Variants in TRAF4 observed in about 807,000 individuals in gnomAD.
TRAF4 encodes TNF receptor-associated factor 4.
In TRAF4, 9 loss-of-function variants were observed where a neutral mutation model predicts 47.3. The ratio of observed to expected loss-of-function variants is 0.19; its 90% CI spans 0.11 to 0.33. The LOEUF is 0.33. TRAF4 is among the 10% of genes least tolerant of loss of function. TRAF4 has a pLI of 1.00. For missense variants in TRAF4, 448 were observed against 620.3 expected (o/e 0.72, Z 2.95); for synonymous variants, 236 against 236.9 (o/e 1.00, Z 0.04).
At chr17:28,746,081 G>A (rs1158478436) in intron 1 of TRAF4, among the ~76,000 whole-genome samples, 1 of 152,260 alleles carries the variant, frequency 6.6e-6, no homozygotes, top group African/African-American at 2.4e-5. Context: ...ATCAAGGGGA[G>A]GAGGTGGGTG....
chr17:28,747,708 A>C lies in TRAF4; in HGVS notation c.196-135A>C, dbSNP rs2034536769. The stretch of plus-strand genomic sequence containing the variant: ...TGCCTGCTGTGCCCTTCATCCCTGG[A>C]CTCAAGAGGGGCAAAGAGCCCAAGA... On this transcript the variant is annotated intron_variant, in intron 2 of 6. Coordinates refer to ENST00000262395, the MANE Select transcript of TRAF4 (RefSeq NM_004295.4). 7 of 780,650 alleles carry C rather than the reference A, an allele frequency of 9.0e-6. No homozygotes were observed. In the South Asian group the frequency reaches 1.2e-4, roughly 13 times the overall value. 48.4% of individuals were successfully genotyped at this position (780,650 alleles called of 1,614,324 possible).
At position 28,744,029 on chromosome 17, in the gene TRAF4, C is replaced by A. The variant is rs1260231428; in HGVS notation, c.-84C>A. The A allele has an allele frequency of 3.0e-5, 31 of 1,036,914 alleles. No individual in the cohort carries two copies. The highest frequency in any genetic ancestry group is 3.5e-5 in the Non-Finnish European group (30 of 866,364). 64.2% of individuals were successfully genotyped at this position (1,036,914 alleles called of 1,614,324 possible). ...GACCGCCAGTCGGCGCCGCCCGGAGCCGGGAGCGCCGCTCCAGCGAGGCGC... is the reference window on the plus strand; with the variant it reads ...GACCGCCAGTCGGCGCCGCCCGGAGACGGGAGCGCCGCTCCAGCGAGGCGC... On this transcript the variant is annotated 5_prime_UTR_variant, in exon 1 of 7. Transcript: ENST00000262395.
Position 28,747,277 on chromosome 17 carries a change from T to G in TRAF4, c.195+13T>G, listed in dbSNP as rs754113799. The G allele has an allele frequency of 6.2e-7, 1 of 1,612,560 alleles. No homozygotes were observed. The highest frequency in any genetic ancestry group is 1.1e-5 in the South Asian group (1 of 90,972). On this transcript the variant is annotated intron_variant, in intron 2 of 6. Coordinates refer to ENST00000262395, the MANE Select transcript of TRAF4 (RefSeq NM_004295.4). Reference sequence around the variant, plus strand: ...GGACTATGCCAAGGTGAGTCCACACTGCCAGGAAGAAGCCCAAGCACAGTC... The same window carrying G: ...GGACTATGCCAAGGTGAGTCCACACGGCCAGGAAGAAGCCCAAGCACAGTC...
intron 1 of TRAF4, chr17:28,745,229 C>T (rs1342863774): frequency 2.6e-5 from 4 of 152,570 alleles, no homozygotes; most frequent in African/African-American, 9.6e-5. Flanking sequence ...CTCCCTCCCT[C>T]GCTCGGTCCT....
In TRAF4 at chr17:28,748,087, G is replaced by A. The variant is rs751058233; in HGVS notation, c.371G>A (p.Arg124His). The change falls in exon 4 of 7, where the codon CGT (arginine) becomes CAT (histidine). Residue 124 changes from arginine (R) to histidine (H), a missense_variant. Physicochemically the swap from Arg to His is conservative, Grantham distance 29. Coordinates refer to ENST00000262395, the MANE Select transcript of TRAF4 (RefSeq NM_004295.4). ...CGCTGCCCCATGAAGCTGAGCCGCC[G>A]TGATCTACCTGCACACTTGCAGCAT... ...PNRCPMKLSR[R>H]DLPAHLQHDC... is the part of the protein sequence containing the mutation. 36 of 1,613,916 alleles carry A rather than the reference G, an allele frequency of 2.2e-5. No homozygotes were observed. Among genetic ancestry groups the A allele is most frequent in the Admixed American group, 6.7e-5 (4 of 60,000 alleles).
Position 28,749,466 on chromosome 17 carries a change from T to C in TRAF4, c.1302T>C (p.Phe434=). Residue 434 remains phenylalanine, a synonymous_variant, in exon 7 of 7, where the codon TTT becomes TTC. Transcript: ENST00000262395. ...CCCTGGATGAGAGTTCTCTGGGCTT[T>C]GGTTATCCCAAGTTCATCTCCCACC... ...RGSLDESSLG[F]GYPKFISHQD... 1.2e-6 allele frequency: 2 copies of C among 1,613,916 alleles called. No individual in the cohort carries two copies. Among genetic ancestry groups the C allele is most frequent in the South Asian group, 2.2e-5 (2 of 91,082 alleles).
At chr17:28,745,972 G>A (rs758929069) in intron 1 of TRAF4, among the ~76,000 whole-genome samples, 1 of 152,246 alleles carries the variant, frequency 6.6e-6, no homozygotes, top group South Asian at 2.1e-4. Context: ...GAGCTGTTAG[G>A]TTGGCCCAGG....
In TRAF4 at chr17:28,750,246, G is replaced by C. The variant is rs1000689570; in HGVS notation, c.*669G>C. 28 of 298,820 alleles carry C rather than the reference G, an allele frequency of 9.4e-5. No homozygotes were observed. The highest frequency in any genetic ancestry group is 1.4e-4 in the Non-Finnish European group (22 of 159,014). The allele number at this position is 298,820 out of a possible 1,614,324, so 18.5% of individuals were successfully genotyped here. On this transcript the variant is annotated 3_prime_UTR_variant, in exon 7 of 7. Coordinates refer to ENST00000262395, the MANE Select transcript of TRAF4 (RefSeq NM_004295.4). ...TGATGGACGCCGGGAAAACTGCATC[G>C]GGCTTTGTGTGGAAGACGGTCCCTG... is the stretch of plus-strand genomic sequence containing the variant.
rs746119537 is a variant in TRAF4, at chr17:28,749,291, A to G, written c.1127A>G (p.Asn376Ser). 7.4e-6 allele frequency: 12 copies of G among 1,613,872 alleles called. No individual in the cohort carries two copies. In the Middle Eastern group the frequency reaches 4.9e-4, roughly 66 times the overall value. Residue 376 changes from asparagine (N) to serine (S), a missense_variant, in exon 7 of 7, where the codon AAT (asparagine) becomes AGT (serine). Coordinates refer to ENST00000262395, the MANE Select transcript of TRAF4 (RefSeq NM_004295.4). Reference sequence around the variant, plus strand: ...CGTGTGCTGCCTGGTGCCTTTGACAATCTCCTTGAGTGGCCCTTTGCCCGC... The same window carrying G: ...CGTGTGCTGCCTGGTGCCTTTGACAGTCTCCTTGAGTGGCCCTTTGCCCGC... The part of the protein sequence containing the change: ...YIRVLPGAFD[N>S]LLEWPFARRV...
rs748730727 is a variant in TRAF4 at position 28,747,201 on chromosome 17, C to T, written c.144-12C>T. On this transcript the variant is annotated splice_polypyrimidine_tract_variant and intron_variant, in intron 1 of 6. Transcript: ENST00000262395. ...AATGAGAAACCTTTTTCCTGCCCCT[C>T]CCCCATTTCAGTGAAGGAGTCTTCA... 6.2e-7 allele frequency: 1 copy of T among 1,612,954 alleles called. No homozygotes were observed. The highest frequency in any genetic ancestry group is 2.2e-5 in the East Asian group (1 of 44,852).
Position 28,747,936 on chromosome 17 carries a change from C to G in TRAF4, c.289C>G (p.Arg97Gly). 6.2e-7 allele frequency: 1 copy of G among 1,614,146 alleles called. No homozygotes were observed. Among genetic ancestry groups the G allele is most frequent in the Non-Finnish European group, 8.5e-7 (1 of 1,180,030 alleles). Residue 97 changes from arginine to glycine, a missense_variant, in exon 3 of 7, where the codon CGT (arginine) becomes GGT (glycine). Coordinates refer to ENST00000262395, the MANE Select transcript of TRAF4 (RefSeq NM_004295.4). ...EEGCRWSGPL[R>G]HLQGHLNTCS... ...GGGCTGCCGCTGGAGTGGGCCACTA[C>G]GTCATCTACAGGTGAGGCTCTGATG... is the stretch of plus-strand genomic sequence containing the variant.
Position 28,745,655 on chromosome 17 carries a change from C to G in TRAF4, c.143+1400C>G, listed in dbSNP as rs115119128. 952 of 153,462 alleles carry G rather than the reference C, an allele frequency of 6.2e-3. 6 individuals carry two copies. Among genetic ancestry groups the G allele is most frequent in the African/African-American group, 0.02 (817 of 41,484 alleles). The allele number at this position is 153,462 out of a possible 1,614,324, so 9.5% of individuals were successfully genotyped here. ...CTTCCCTGGGCCTTGGCCTCCACTG[C>G]ACAGCCTGGAGCAGCCTCTGCCCTG... On this transcript the variant is annotated intron_variant, in intron 1 of 6. Coordinates refer to ENST00000262395, the MANE Select transcript of TRAF4 (RefSeq NM_004295.4).
Position 28,749,547 on chromosome 17 carries a change from T to A in TRAF4, c.1383T>A (p.Ala461=), listed in dbSNP as rs748249974. Residue 461 remains alanine (A), a synonymous_variant, in exon 7 of 7, where the codon GCT becomes GCA. Transcript: ENST00000262395. Reference sequence around the variant, plus strand: ...ATGATGCAGTCTTCATCCGTGCTGCTGTTGAACTGCCCCGGAAGATCCTCA... The same window carrying A: ...ATGATGCAGTCTTCATCCGTGCTGCAGTTGAACTGCCCCGGAAGATCCTCA... ...VRDDAVFIRA[A]VELPRKILS The A allele has an allele frequency of 1.2e-6, 2 of 1,613,474 alleles. No individual in the cohort carries two copies. The highest frequency in any genetic ancestry group is 3.3e-5 in the Admixed American group (2 of 60,022).
In TRAF4 at chr17:28,749,001, C is replaced by T. The variant is rs956958238; in HGVS notation, c.837C>T (p.Ala279=). 1.2e-6 allele frequency: 2 copies of T among 1,613,572 alleles called. No homozygotes were observed. Among genetic ancestry groups the T allele is most frequent in the African/African-American group, 2.7e-5 (2 of 74,946 alleles). ...AGGAGAGTGTGAAGCCACATCTGGC[C>T]ATGATGTGTGCCCTGGTGAGCCGGC... ...HVEESVKPHL[A]MMCALVSRQR... is the part of the protein sequence containing the mutation. Residue 279 remains alanine (A), a synonymous_variant, in exon 7 of 7, where the codon GCC becomes GCT. Coordinates refer to ENST00000262395, the MANE Select transcript of TRAF4 (RefSeq NM_004295.4).
rs749595400 is a variant in TRAF4, at chr17:28,748,601, C to A, written c.715C>A (p.Leu239Met). 2 of 1,613,356 alleles carry A rather than the reference C, an allele frequency of 1.2e-6. No individual in the cohort carries two copies. Among genetic ancestry groups the A allele is most frequent in the South Asian group, 1.1e-5 (1 of 91,076 alleles). The part of the protein sequence containing the change: ...TVAREDLPGH[L>M]KDSCNTALVL... ...GGCTCGGGAGGACCTGCCAGGCCAT[C>A]TGAAGGACAGCTGTAACACCGCCCT... The change falls in exon 6 of 7, where the codon CTG becomes ATG. Residue 239 changes from leucine (L) to methionine (M), a missense_variant. By Grantham distance (15) the Leu-to-Met change is conservative. Transcript: ENST00000262395.
At chr17:28,746,582 C>T (rs2034516566) in intron 1 of TRAF4, among the ~76,000 whole-genome samples, 1 of 152,226 alleles carries the variant, frequency 6.6e-6, no homozygotes, top group African/African-American at 2.4e-5. Context: ...TGCTGCTTCA[C>T]CTGTAAGCCT....
intron 1 of TRAF4, 63 bp from the exon 2 acceptor site, chr17:28,747,150 G>A: frequency 6.4e-7 from 1 of 1,571,924 alleles, no homozygotes; most frequent in Non-Finnish European, 8.7e-7. Context: ...CAGTGGAGGG[G>A]GTGGGGCCAG....
chr17:28,748,241 C>G, intron 4 of TRAF4, 21 bp from the exon 5 acceptor site: 1 of 1,612,462 alleles, frequency 6.2e-7, no homozygotes, highest in Non-Finnish European at 8.5e-7. Flanking sequence ...TCTCTTAACT[C>G]AGCACCTCTG....
chr17:28,749,654 C>A lies in TRAF4; in HGVS notation c.*77C>A. The A allele has an allele frequency of 6.3e-7, 1 of 1,576,746 alleles. No homozygotes were observed. Reference sequence around the variant, plus strand: ...CACTGGCTGAACTTGGAGAGGGGGCCGGACCCCCGTCAGCTGCTTCTGCTG... The same window carrying A: ...CACTGGCTGAACTTGGAGAGGGGGCAGGACCCCCGTCAGCTGCTTCTGCTG... On this transcript the variant is annotated 3_prime_UTR_variant, in exon 7 of 7. Coordinates refer to ENST00000262395, the MANE Select transcript of TRAF4 (RefSeq NM_004295.4).
Sources: allele counts gnomAD v4.1 joint callset (sites outside exome capture counted in the v4.1 genomes callset), GRCh38; gene constraint gnomAD v4.1.1; transcripts MANE v1.5; gene names NCBI Gene and HGNC (gene_info 2026-07-23, HGNC 2026-07-21).